The following CDH13 variants were observed in gnomAD, a reference collection of about 807,000 sequenced individuals.
The protein encoded by CDH13 is cadherin 13, also known as cadherin-13.
CDH13 carries 24 observed loss-of-function variants against 63.8 expected under a neutral mutation model. That is an observed-to-expected ratio of 0.38 (90% CI 0.27 to 0.53). The LOEUF is 0.53. Among genes scored for constraint, CDH13 ranks in the 20% least tolerant of loss-of-function variants. The probability of loss-of-function intolerance (pLI) is 0.85; values close to 1 mark genes in which losing one functional copy is unlikely to be tolerated. For missense variants in CDH13, 1,049 were observed against 903.1 expected (o/e 1.16, Z -2.07); for synonymous variants, 503 against 355.3 (o/e 1.42, Z -4.67).
chr16:83,420,839 T>C (rs2071693447), intron 6 of CDH13, among the ~76,000 whole-genome samples: 1 of 152,076 alleles, frequency 6.6e-6, no homozygotes, highest in Non-Finnish European at 1.5e-5. Context: ...CTGGTGAAAG[T>C]CCCAGAGTCC....
chr16:83,330,707 G>A (rs1352273920), intron 5 of CDH13, among the ~76,000 whole-genome samples: 1 of 152,170 alleles, frequency 6.6e-6, no homozygotes, highest in Non-Finnish European at 1.5e-5. Context: ...TCCTCAGATT[G>A]CACTGGTCCT....
At chr16:83,454,727 G>A (rs924481720) in intron 6 of CDH13, among the ~76,000 whole-genome samples, 6 of 144,726 alleles carry the variant, frequency 4.1e-5, no homozygotes. Context: ...TTTTTTTTTT[G>A]ATATAGAGTC....
intron 6 of CDH13, among the ~76,000 whole-genome samples, chr16:83,378,028 C>A (rs746516823): frequency 2.0e-5 from 3 of 152,092 alleles, no homozygotes; most frequent in Non-Finnish European, 4.4e-5. Context: ...AAGAGGAGGG[C>A]AGGCTGCTCT....
chr16:83,090,626 T>A (rs2033859552), intron 3 of CDH13, among the ~76,000 whole-genome samples: 1 of 150,280 alleles, frequency 6.7e-6, no homozygotes. Context: ...AAGTCAGAAA[T>A]GGCAGCAACA....
In CDH13 at chr16:83,498,356, C is replaced by G. The variant is rs567298442; in HGVS notation, c.960+11701C>G. ...CTCCAAAGGAGTCCCTGAGGTAAAA[C>G]TGAGATTATTCTAGAGCCACCTGGA... On this transcript the variant is annotated intron_variant, in intron 7 of 13. Transcript: ENST00000567109. Among the ~76,000 whole-genome samples, 39 of 151,028 alleles carry G rather than the reference C, an allele frequency of 2.6e-4. 2 individuals are homozygous for G. In the South Asian group the frequency reaches 7.7e-3, roughly 30 times the overall value.
chr16:82,634,721 C>G (rs938359924), intron 1 of CDH13, among the ~76,000 whole-genome samples: 1 of 152,216 alleles, frequency 6.6e-6, no homozygotes, highest in Non-Finnish European at 1.5e-5. Context: ...GACTCTTTAT[C>G]TAACTTAAAG....
At chr16:82,949,721 T>G (rs894667382) in intron 2 of CDH13, among the ~76,000 whole-genome samples, 1 of 152,164 alleles carries the variant, frequency 6.6e-6, no homozygotes, top group Middle Eastern at 3.2e-3. Context: ...ACATTCTGTC[T>G]GGAAAAGAAT....
At chr16:82,857,917 C>G (rs545190199) in intron 1 of CDH13, among the ~76,000 whole-genome samples, 3 of 152,336 alleles carry the variant, frequency 2.0e-5, no homozygotes, top group South Asian at 4.1e-4. Flanking sequence ...GAAGGCTTAA[C>G]AGGTCCTGGA....
chr16:82,854,340 G>T (rs751627050), intron 1 of CDH13, among the ~76,000 whole-genome samples: 1 of 146,648 alleles, frequency 6.8e-6, no homozygotes, highest in Non-Finnish European at 1.5e-5. Flanking sequence ...GGCGGGGCTT[G>T]CAGTGAGCCA....
intron 2 of CDH13, among the ~76,000 whole-genome samples, chr16:82,962,642 A>G (rs1186162845): frequency 6.6e-6 from 1 of 152,058 alleles, no homozygotes; most frequent in Non-Finnish European, 1.5e-5. Context: ...GAAACTCTGA[A>G]CCCCTGGCCA....
chr16:83,705,267 G>T (rs1052929559), intron 10 of CDH13, among the ~76,000 whole-genome samples: 1 of 152,140 alleles, frequency 6.6e-6, no homozygotes, highest in African/African-American at 2.4e-5. Flanking sequence ...CCTGACTCCA[G>T]AAATCCACCT....
intron 6 of CDH13, among the ~76,000 whole-genome samples, chr16:83,439,883 C>T (rs1237211139): frequency 6.6e-6 from 1 of 152,164 alleles, no homozygotes; most frequent in Non-Finnish European, 1.5e-5. Flanking sequence ...GGTGTCCTTT[C>T]TCTAACAAAG....
intron 1 of CDH13, among the ~76,000 whole-genome samples, chr16:82,821,791 A>T (rs1176983019): frequency 6.6e-6 from 1 of 152,166 alleles, no homozygotes; most frequent in Non-Finnish European, 1.5e-5. Context: ...CCTCAAATGA[A>T]GTGTAGGATT....
intron 6 of CDH13, among the ~76,000 whole-genome samples, chr16:83,433,870 G>A (rs1374292696): frequency 6.6e-6 from 1 of 151,936 alleles, no homozygotes; most frequent in Non-Finnish European, 1.5e-5. Flanking sequence ...TTTTTCCTCA[G>A]TGCAAAGCAC....
At chr16:82,974,046 A>G (rs557423079) in intron 2 of CDH13, among the ~76,000 whole-genome samples, 54 of 152,210 alleles carry the variant, frequency 3.5e-4, no homozygotes, top group African/African-American at 1.3e-3. Context: ...CAGCCTCCCA[A>G]GTAATCCCTG....
chr16:83,433,835 A>G (rs1423753545), intron 6 of CDH13, among the ~76,000 whole-genome samples: 1 of 152,138 alleles, frequency 6.6e-6, no homozygotes, highest in African/African-American at 2.4e-5. Flanking sequence ...GCATCATGGT[A>G]TTGGTAGTAG....
intron 11 of CDH13, among the ~76,000 whole-genome samples, chr16:83,753,859 C>A (rs891983892): frequency 6.6e-6 from 1 of 151,540 alleles, no homozygotes; most frequent in African/African-American, 2.4e-5. Flanking sequence ...ATAAAAAAAT[C>A]TTAATTGTAA....
chr16:83,484,757 A>G (rs1409197071), intron 6 of CDH13, among the ~76,000 whole-genome samples: 1 of 152,264 alleles, frequency 6.6e-6, no homozygotes, highest in Non-Finnish European at 1.5e-5. Context: ...AAAACATGTG[A>G]ATAAAGTATT....
intron 10 of CDH13, chr16:83,728,950 C>G (rs1265525856): frequency 2.6e-5 from 4 of 153,394 alleles, no homozygotes; most frequent in African/African-American, 7.2e-5. Flanking sequence ...TTGCAGACAG[C>G]CACCTTCTTG....
Sources: gnomAD v4.1 joint callset for allele counts (sites outside exome capture counted in the v4.1 genomes callset) on GRCh38, gnomAD v4.1.1 for gene constraint, MANE v1.5 for transcripts, NCBI Gene and HGNC (gene_info 2026-07-23, HGNC 2026-07-21) for gene names.